The following CFAP77 variants were observed in gnomAD, a reference collection of about 807,000 sequenced individuals.
The protein encoded by CFAP77 is cilia and flagella associated protein 77.
In CFAP77, 25 loss-of-function variants were observed where a neutral mutation model predicts 31.1. The observed-to-expected ratio is 0.80, with a 90% CI of 0.59 to 1.12. The LOEUF (loss-of-function observed/expected upper bound fraction) is 1.12, where lower values mean the gene tolerates loss of function less well. Ranked by LOEUF, CFAP77 falls within the 50% of genes most tolerant of loss-of-function variation. CFAP77 has a pLI of 0.00. For missense variants in CFAP77, 377 were observed against 397.3 expected (o/e 0.95, Z 0.44); for synonymous variants, 151 against 159.9 (o/e 0.94, Z 0.42).
chr9:132,419,930 G>T (rs1171986001), intron 1 of CFAP77, among the ~76,000 whole-genome samples: 1 of 152,138 alleles, frequency 6.6e-6, no homozygotes, highest in Non-Finnish European at 1.5e-5. Context: ...GGAGGCTGAG[G>T]CAGGAGGATT....
intron 1 of CFAP77, among the ~76,000 whole-genome samples, chr9:132,475,497 C>T (rs190735218): frequency 1.3e-5 from 2 of 152,246 alleles, no homozygotes; most frequent in East Asian, 1.9e-4. Flanking sequence ...GGGACTGAGC[C>T]GATAATCGTC....
In CFAP77 at chr9:132,519,574, A is replaced by G. The variant is rs181600506; in HGVS notation, c.525-18027A>G. Among the ~76,000 whole-genome samples the G allele has an allele frequency of 5.8e-3, 243 of 41,678 alleles. 1 individual carries two copies. Among genetic ancestry groups the G allele is most frequent in the South Asian group, 7.4e-3 (5 of 680 alleles). 27.3% of individuals were successfully genotyped at this position (41,678 alleles called of 152,430 possible). ...TGGATGAATGGATGGATGGATGGATAGATGGATGGATGGATGGATGGATGG... is the reference window on the plus strand; with the variant it reads ...TGGATGAATGGATGGATGGATGGATGGATGGATGGATGGATGGATGGATGG... On this transcript the variant is annotated intron_variant, in intron 3 of 5. Transcript: ENST00000393216.
chr9:132,446,908 A>C (rs1486436493), intron 1 of CFAP77, among the ~76,000 whole-genome samples: 1 of 152,082 alleles, frequency 6.6e-6, no homozygotes, highest in Admixed American at 6.6e-5. Flanking sequence ...TACTTTTTAA[A>C]ATTAATTTTA....
chr9:132,542,736 C>A (rs764913754), intron 4 of CFAP77, among the ~76,000 whole-genome samples: 6 of 152,146 alleles, frequency 3.9e-5, no homozygotes, highest in African/African-American at 1.2e-4. Flanking sequence ...TCCCACCCCC[C>A]CTCCCCCAGT....
At chr9:132,572,044 G>A (rs777072441) in intron 5 of CFAP77, among the ~76,000 whole-genome samples, 13 of 152,102 alleles carry the variant, frequency 8.5e-5, no homozygotes, top group Non-Finnish European at 1.6e-4. Context: ...TGGAGAGGGT[G>A]GCTTGTTTGG....
At chr9:132,468,185 A>T (rs1215987436) in intron 1 of CFAP77, among the ~76,000 whole-genome samples, 1 of 152,128 alleles carries the variant, frequency 6.6e-6, no homozygotes, top group Admixed American at 6.5e-5. Flanking sequence ...TCTACTAAAA[A>T]ATACAAAAAA....
Position 132,490,388 on chromosome 9 carries a change from A to T in CFAP77, c.196-8307A>T, listed in dbSNP as rs1003436028. ...GCAGCTGAACTCAGATGTCTGTCAC[A>T]ACCTGCTTGCCTGTGTCTGAAAGTT... On this transcript the variant is annotated intron_variant, in intron 1 of 5. Transcript: ENST00000393216. The surrounding 1 kb of genome is among the most constrained non-coding windows in gnomAD (Gnocchi z 4.6). 2.0e-5 allele frequency among the ~76,000 whole-genome samples: 3 copies of T among 152,182 alleles called. No homozygotes were observed. The highest frequency in any genetic ancestry group is 4.8e-5 in the African/African-American group (2 of 41,452).
At chr9:132,513,544 G>T in intron 3 of CFAP77, 1 of 587,412 alleles carries the variant, frequency 1.7e-6, no homozygotes. Flanking sequence ...TAAATCATAG[G>T]GACTACTGAG....
At position 132,537,660 on chromosome 9, in the gene CFAP77, A is replaced by T; in HGVS notation, c.584A>T (p.Glu195Val). ...CGGTACCTGCAGCTGTGGGTACAGG[A>T]ACAAAAGGCCACCCAGAAAGCCATC... ...QHRYLQLWVQ[E>V]QKATQKAIKL... The change falls in exon 4 of 6, where the codon GAA becomes GTA. Residue 195 changes from glutamate (E) to valine (V), a missense_variant. Physicochemically the swap from Glu to Val is moderately radical, Grantham distance 121. Coordinates refer to ENST00000393216, the MANE Select transcript of CFAP77 (RefSeq NM_001282957.2). 1 of 1,613,636 alleles carries T rather than the reference A, an allele frequency of 6.2e-7. No homozygotes were observed. Among genetic ancestry groups the T allele is most frequent in the Non-Finnish European group, 8.5e-7 (1 of 1,179,780 alleles).
At chr9:132,466,758 A>G (rs1382948833) in intron 1 of CFAP77, among the ~76,000 whole-genome samples, 1 of 152,174 alleles carries the variant, frequency 6.6e-6, no homozygotes, top group Non-Finnish European at 1.5e-5. Flanking sequence ...TGCCCAGTAG[A>G]AGGGGCTGGT....
intron 1 of CFAP77, among the ~76,000 whole-genome samples, chr9:132,464,650 A>G (rs1023474617): frequency 6.6e-6 from 1 of 152,188 alleles, no homozygotes; most frequent in African/African-American, 2.4e-5. Context: ...TTGGCCTGAC[A>G]TCTTGGAAGC....
At chr9:132,441,097 A>T (rs1199377697) in intron 1 of CFAP77, among the ~76,000 whole-genome samples, 11 of 152,078 alleles carry the variant, frequency 7.2e-5, no homozygotes, top group Admixed American at 6.6e-4. Flanking sequence ...TGCATCCTAA[A>T]CACACAATAC....
chr9:132,445,307 C>G (rs562475078), intron 1 of CFAP77, among the ~76,000 whole-genome samples: 5 of 152,254 alleles, frequency 3.3e-5, no homozygotes, highest in Admixed American at 6.5e-5. Context: ...ATGAATCTGA[C>G]TACTCTAAGT....
At chr9:132,425,201 C>T (rs62576559) in intron 1 of CFAP77, among the ~76,000 whole-genome samples, 2,524 of 152,208 alleles carry the variant, frequency 0.017, 40 homozygotes, top group Non-Finnish European at 0.029. Flanking sequence ...ATTCTTGCGT[C>T]GCCCCCGTCA....
At chr9:132,535,543 C>T (rs1264268126) in intron 3 of CFAP77, among the ~76,000 whole-genome samples, 1 of 152,110 alleles carries the variant, frequency 6.6e-6, no homozygotes, top group Non-Finnish European at 1.5e-5. Context: ...AAAACCCTGT[C>T]TCTACTAAAG....
chr9:132,524,572 C>T (rs1431193445), intron 3 of CFAP77, among the ~76,000 whole-genome samples: 1 of 151,776 alleles, frequency 6.6e-6, no homozygotes, highest in Non-Finnish European at 1.5e-5. Context: ...GGAATTGTGC[C>T]ACTGCACTTC....
chr9:132,561,032 G>C (rs888288284), intron 5 of CFAP77, among the ~76,000 whole-genome samples: 2 of 152,098 alleles, frequency 1.3e-5, no homozygotes, highest in African/African-American at 2.4e-5. Flanking sequence ...TCTCAGGAGA[G>C]ACTGTTACCC....
chr9:132,564,523 A>T lies in CFAP77; in HGVS notation c.733-7865A>T, dbSNP rs1488141483. Among the ~76,000 whole-genome samples the T allele has an allele frequency of 6.6e-6, 1 of 152,222 alleles. No homozygotes were observed. Among genetic ancestry groups the T allele is most frequent in the Non-Finnish European group, 1.5e-5 (1 of 68,034 alleles). On this transcript the variant is annotated intron_variant, in intron 5 of 5. Coordinates refer to ENST00000393216, the MANE Select transcript of CFAP77 (RefSeq NM_001282957.2). The surrounding 1 kb of genome is among the most constrained non-coding windows in gnomAD (Gnocchi z 4.6). Reference sequence around the variant, plus strand: ...GAAATCCAAACAGAAATTAGATAGAAATTAGATTAAAAGAGAACTGAGCAA... The same window carrying T: ...GAAATCCAAACAGAAATTAGATAGATATTAGATTAAAAGAGAACTGAGCAA...
At chr9:132,541,539 C>T (rs992473079) in intron 4 of CFAP77, among the ~76,000 whole-genome samples, 4 of 152,182 alleles carry the variant, frequency 2.6e-5, no homozygotes, top group African/African-American at 7.2e-5. Flanking sequence ...GCCTGGCCAA[C>T]ACGGCAAAAC....
Sources: gnomAD v4.1 joint callset for allele counts (sites outside exome capture counted in the v4.1 genomes callset) on GRCh38, gnomAD v4.1.1 for gene constraint, Gnocchi (gnomAD v3.1) non-coding constraint, MANE v1.5 for transcripts, NCBI Gene and HGNC (gene_info 2026-07-23, HGNC 2026-07-21) for gene names.